IGBP1C: variants seen among roughly 807,000 people sequenced by gnomAD.
IGBP1C encodes IGBP1 family member C.
chr17:58,677,367 C>A, the IGBP1C span, among the ~76,000 whole-genome samples: 1 of 152,152 alleles, frequency 6.6e-6, no homozygotes, highest in Non-Finnish European at 1.5e-5. Context: ...ATGTGGTACT[C>A]ATTGTGTACA....
the IGBP1C span, among the ~76,000 whole-genome samples, chr17:58,664,945 A>G: frequency 1.6e-4 from 25 of 152,150 alleles, 1 homozygote; most frequent in Non-Finnish European, 3.1e-4. Flanking sequence ...GCTGAAGTAT[A>G]AGTTTTCCAG....
At chr17:58,672,665 G>A in the IGBP1C span, among the ~76,000 whole-genome samples, 4 of 151,966 alleles carry the variant, frequency 2.6e-5, no homozygotes, top group African/African-American at 7.3e-5. Context: ...GGCTGGCCTC[G>A]AACTCCTTGG....
At chr17:58,678,215 G>A in the IGBP1C span, among the ~76,000 whole-genome samples, 1 of 152,144 alleles carries the variant, frequency 6.6e-6, no homozygotes, top group Admixed American at 6.5e-5. Flanking sequence ...ATCCAGATGG[G>A]CCTAATGTAA....
chr17:58,663,723 C>G, the IGBP1C span, among the ~76,000 whole-genome samples: 5 of 152,122 alleles, frequency 3.3e-5, no homozygotes, highest in Non-Finnish European at 7.3e-5. Context: ...CTGCCTTGAC[C>G]TCCCGAAGTG....
the IGBP1C span, among the ~76,000 whole-genome samples, chr17:58,667,742 G>A: frequency 2.6e-5 from 4 of 151,888 alleles, no homozygotes; most frequent in African/African-American, 4.8e-5. Context: ...AAAATTAGCC[G>A]GGCATGGTGG....
At chr17:58,679,506 C>T in the IGBP1C span, 1 of 152,126 alleles carries the variant, frequency 6.6e-6, no homozygotes, top group Non-Finnish European at 1.5e-5. Context: ...CAACGTACGC[C>T]TTTTATAAAC....
At chr17:58,683,072 AAAG>A in the IGBP1C span, among the ~76,000 whole-genome samples, 1 of 151,304 alleles carries the variant, frequency 6.6e-6, no homozygotes, top group Non-Finnish European at 1.5e-5. Flanking sequence ...AAAAAAAAAA[AAAG>A]ACAAAAATGA....
At chr17:58,664,152 C>T in the IGBP1C span, among the ~76,000 whole-genome samples, 1 of 152,212 alleles carries the variant, frequency 6.6e-6, no homozygotes, top group Non-Finnish European at 1.5e-5. Flanking sequence ...ACCCAGCCCA[C>T]CTCGGTTATA....
chr17:58,670,335 A>G, the IGBP1C span, among the ~76,000 whole-genome samples: 78 of 152,044 alleles, frequency 5.1e-4, no homozygotes, highest in African/African-American at 1.8e-3. Flanking sequence ...CTATCCATCT[A>G]TCTATAGGAT....
chr17:58,664,033 C>T, the IGBP1C span, among the ~76,000 whole-genome samples: 231 of 152,246 alleles, frequency 1.5e-3, no homozygotes, highest in Non-Finnish European at 9.4e-4. Flanking sequence ...CTGTCTTAAC[C>T]GCTCCCCCAG....
At chr17:58,666,255 C>G in the IGBP1C span, among the ~76,000 whole-genome samples, 2 of 150,846 alleles carry the variant, frequency 1.3e-5, no homozygotes, top group Admixed American at 6.6e-5. Context: ...AGCTGAGACA[C>G]GAGAATAGCT....
chr17:58,665,853 C>T, the IGBP1C span, among the ~76,000 whole-genome samples: 1 of 152,024 alleles, frequency 6.6e-6, no homozygotes, highest in Non-Finnish European at 1.5e-5. Context: ...CAAGACCGGC[C>T]TGACCAACGT....
chr17:58,680,581 A>G, the IGBP1C span, among the ~76,000 whole-genome samples: 1 of 152,004 alleles, frequency 6.6e-6, no homozygotes, highest in African/African-American at 2.4e-5. Context: ...ATCTCTAATA[A>G]AAATACAAAA....
chr17:58,668,489 GC>G, the IGBP1C span, among the ~76,000 whole-genome samples: 1 of 152,202 alleles, frequency 6.6e-6, no homozygotes. Context: ...CTTAGCCAAT[GC>G]CCACTGAAGG....
the IGBP1C span, among the ~76,000 whole-genome samples, chr17:58,684,226 C>T: frequency 7.2e-5 from 11 of 152,002 alleles, no homozygotes; most frequent in Admixed American, 6.6e-4. Context: ...CTTTGGGAGG[C>T]CTTGGCGGGT....
the IGBP1C span, among the ~76,000 whole-genome samples, chr17:58,678,343 A>G: frequency 6.6e-6 from 1 of 152,350 alleles, no homozygotes; most frequent in Admixed American, 6.5e-5. Context: ...CCAAAGGATT[A>G]TAAATCATGC....
chr17:58,690,081 C>A, the IGBP1C span, among the ~76,000 whole-genome samples: 77 of 151,850 alleles, frequency 5.1e-4, no homozygotes, highest in African/African-American at 1.8e-3. Flanking sequence ...GATCTCCTGA[C>A]CTTGTGATCT....
At chr17:58,674,527 G>A in the IGBP1C span, among the ~76,000 whole-genome samples, 5 of 151,546 alleles carry the variant, frequency 3.3e-5, no homozygotes, top group African/African-American at 4.9e-5. Context: ...AAAATTAGCT[G>A]AGCATGGTGG....
At chr17:58,674,801 TA>T in the IGBP1C span, among the ~76,000 whole-genome samples, 1,403 of 109,466 alleles carry the variant, frequency 0.013, 8 homozygotes, top group African/African-American at 0.023. Context: ...ATAAAGTGGT[TA>T]AAAAAAAAAA....
Sources: gnomAD v4.1 joint callset for allele counts (sites outside exome capture counted in the v4.1 genomes callset) on GRCh38, gnomAD v4.1.1 for gene constraint, MANE v1.5 for transcripts, NCBI Gene and HGNC (gene_info 2026-07-23, HGNC 2026-07-21) for gene names.